Variants in ACBD3 observed in about 807,000 individuals in gnomAD.
ACBD3 encodes the protein acyl-CoA binding domain containing 3, also known as Golgi resident protein GCP60.
ACBD3 carries 30 observed loss-of-function variants against 66.9 expected under a neutral mutation model. That is an observed-to-expected ratio of 0.45 (90% CI 0.34 to 0.61). The LOEUF (loss-of-function observed/expected upper bound fraction) is 0.61, where lower values mean the gene tolerates loss of function less well. ACBD3 is among the 20% of genes least tolerant of loss of function. ACBD3 has a pLI of 0.02. For synonymous variants in ACBD3, 278 were observed against 259.8 expected, an observed-to-expected ratio of 1.07 and a Z score of -0.68; for missense variants, 544 against 664.5, an observed-to-expected ratio of 0.82 and a Z score of 1.99.
At chr1:226,150,640 G>A (rs903524895) in intron 7 of ACBD3, among the ~76,000 whole-genome samples, 3 of 152,200 alleles carry the variant, frequency 2.0e-5, no homozygotes, top group Non-Finnish European at 2.9e-5. Context: ...GCCTCCCAAA[G>A]TGTTGGGATT....
intron 7 of ACBD3, among the ~76,000 whole-genome samples, chr1:226,150,511 TG>T (rs1339143949): frequency 1.3e-5 from 2 of 152,190 alleles, no homozygotes; most frequent in Non-Finnish European, 2.9e-5. Context: ...CCCGAGTAGC[TG>T]GGATTACAGG....
Position 226,165,958 on chromosome 1 carries a change from A to G in ACBD3, c.329T>C (p.Leu110Ser), listed in dbSNP as rs1659869597. The G allele has an allele frequency of 6.2e-7, 1 of 1,611,072 alleles. No homozygotes were observed. Among genetic ancestry groups the G allele is most frequent in the African/African-American group, 1.3e-5 (1 of 74,808 alleles). Residue 110 changes from leucine to serine, a missense_variant, in exon 2 of 8, where the codon TTG (leucine) becomes TCG (serine). By Grantham distance (145) the Leu-to-Ser change is moderately radical (BLOSUM62 -2). This residue lies in a region of ACBD3 where 24 missense variants were observed against 56.2 expected (regional missense o/e 0.43). Transcript: ENST00000366812. ...KAFHPTYEEK[L>S]KLVALHKQVL... ...TTGCTTATGCAGTGCCACAAGCTTCAATTTTTCTTCATAAGTTGGATGAAA... is the reference window on the plus strand; with the variant it reads ...TTGCTTATGCAGTGCCACAAGCTTCGATTTTTCTTCATAAGTTGGATGAAA...
At position 226,145,204 on chromosome 1, in the gene ACBD3, T is replaced by C. The variant is rs1659424374; in HGVS notation, c.*1406A>G. 6.6e-6 allele frequency: 1 copy of C among 152,414 alleles called. No homozygotes were observed. Among genetic ancestry groups the C allele is most frequent in the African/African-American group, 2.4e-5 (1 of 41,380 alleles). 9.4% of individuals were successfully genotyped at this position (152,414 alleles called of 1,614,324 possible). ...ACAACCAAAAGAGAACAGAGTTAGA[T>C]ATGTACAAAACCAGGTATTAAAAAA... On this transcript the variant is annotated 3_prime_UTR_variant, in exon 8 of 8. Transcript: ENST00000366812.
chr1:226,149,411 G>A (rs1230160774), intron 7 of ACBD3, among the ~76,000 whole-genome samples: 7 of 150,740 alleles, frequency 4.6e-5, no homozygotes, highest in Admixed American at 3.3e-4. Context: ...ACTTTTAGTA[G>A]AGATGGGGTT....
chr1:226,173,757 CTTTTTTTTTTTT>C (rs145462202), intron 1 of ACBD3, among the ~76,000 whole-genome samples: 1 of 88,324 alleles, frequency 1.1e-5, no homozygotes, highest in Non-Finnish European at 2.1e-5. Flanking sequence ...TTTTTCTTTT[CTTTTTTTTTTTT>C]TTTTTTTTTG....
At position 226,161,589 on chromosome 1, in the gene ACBD3, G is replaced by T. The variant is rs750618003; in HGVS notation, c.670C>A (p.Arg224=). ...ATCCGTCTCCTTTCCTCTTCCTCCC[G>T]TCGAAGCCTTTCCTCTTCTTCTCTC... is the stretch of plus-strand genomic sequence containing the variant. ...RRREEEERLR[R]EEEERRRIEE... is the part of the protein sequence containing the mutation. Residue 224 remains arginine (R), a synonymous_variant, in exon 4 of 8, where the codon CGG becomes AGG. Coordinates refer to ENST00000366812, the MANE Select transcript of ACBD3 (RefSeq NM_022735.4). The T allele has an allele frequency of 1.2e-6, 2 of 1,613,530 alleles. No individual in the cohort carries two copies. Among genetic ancestry groups the T allele is most frequent in the Non-Finnish European group, 1.7e-6 (2 of 1,179,910 alleles).
chr1:226,156,680 T>C (rs1054319669), intron 5 of ACBD3, among the ~76,000 whole-genome samples: 1 of 152,212 alleles, frequency 6.6e-6, no homozygotes, highest in African/African-American at 2.4e-5. Flanking sequence ...TATAGGTTAA[T>C]AACACAATTA....
At chr1:226,161,965 A>T (rs1281925634) in intron 3 of ACBD3, among the ~76,000 whole-genome samples, 1 of 152,236 alleles carries the variant, frequency 6.6e-6, no homozygotes, top group Admixed American at 6.5e-5. Context: ...ACCCTGAAGG[A>T]TCCCCTCTAA....
chr1:226,178,201 C>G (rs1457423226), intron 1 of ACBD3, among the ~76,000 whole-genome samples: 1 of 152,190 alleles, frequency 6.6e-6, no homozygotes, highest in East Asian at 1.9e-4. Context: ...TCAAATAGGA[C>G]AGCATAATTT....
chr1:226,169,292 G>C (rs945530368), intron 1 of ACBD3, among the ~76,000 whole-genome samples: 1 of 151,748 alleles, frequency 6.6e-6, no homozygotes, highest in Non-Finnish European at 1.5e-5. Context: ...CTGTCACCCA[G>C]GCTGGAGTGC....
intron 7 of ACBD3, 80 bp downstream of exon 7, chr1:226,152,255 G>T (rs1269406652): frequency 6.5e-7 from 1 of 1,538,414 alleles, no homozygotes; most frequent in Admixed American, 1.8e-5. Flanking sequence ...GGAAGCATAA[G>T]GCTGGGTGAC....
chr1:226,165,111 T>C (rs58322813), intron 2 of ACBD3, among the ~76,000 whole-genome samples, 182 bp from the exon 3 acceptor site: 21,222 of 152,154 alleles, frequency 0.14, 1,655 homozygotes, highest in Middle Eastern at 0.22. Context: ...ATACGCCACA[T>C]ACAATCCAAA....
Position 226,151,866 on chromosome 1 carries a change from G to A in ACBD3, c.1375+469C>T, listed in dbSNP as rs965345492. Among the ~76,000 whole-genome samples, 8 of 152,152 alleles carry A rather than the reference G, an allele frequency of 5.3e-5. No homozygotes were observed. The South Asian group carries it at 1.7e-3, about 32-fold the overall frequency. ...ACTAAAAATACAAAAAATTAGCCGG[G>A]CACAGTGGTGCGTGCCTGTAATCCC... On this transcript the variant is annotated intron_variant, in intron 7 of 7. Coordinates refer to ENST00000366812, the MANE Select transcript of ACBD3 (RefSeq NM_022735.4).
chr1:226,180,450 A>G (rs1432666054), intron 1 of ACBD3, among the ~76,000 whole-genome samples: 1 of 152,170 alleles, frequency 6.6e-6, no homozygotes, highest in South Asian at 2.1e-4. Context: ...GAAAGCACAA[A>G]AAGTTAACAA....
intron 6 of ACBD3, among the ~76,000 whole-genome samples, chr1:226,154,401 T>TTA (rs140533924): frequency 6.8e-4 from 103 of 150,566 alleles, no homozygotes; most frequent in East Asian, 2.1e-3. Flanking sequence ...AATAGATAAT[T>TTA]TATATATATA....
chr1:226,167,545 G>A (rs1229000215), intron 1 of ACBD3, among the ~76,000 whole-genome samples: 1 of 152,180 alleles, frequency 6.6e-6, no homozygotes, highest in East Asian at 1.9e-4. Context: ...TTTAAAAGCC[G>A]TATGAAATTG....
rs1659599508 is a variant in ACBD3, at chr1:226,152,631, A to C, written c.1091-12T>G. 6.2e-7 allele frequency: 1 copy of C among 1,604,150 alleles called. No homozygotes were observed. Among genetic ancestry groups the C allele is most frequent in the South Asian group, 1.1e-5 (1 of 89,660 alleles). On this transcript the variant is annotated splice_polypyrimidine_tract_variant and intron_variant, in intron 6 of 7. Coordinates refer to ENST00000366812, the MANE Select transcript of ACBD3 (RefSeq NM_022735.4). ...TACTGGAAGAGATTCTAAAGGCAAT[A>C]GGTATTAAAAAGCTAAAGAAAAAGA... is the stretch of plus-strand genomic sequence containing the variant.
intron 4 of ACBD3, 37 bp downstream of exon 4, chr1:226,161,494 T>A (rs751865919): frequency 1.9e-6 from 3 of 1,604,266 alleles, no homozygotes; most frequent in African/African-American, 1.4e-5. Context: ...TTTTTTCCAT[T>A]TCTCATTTTA....
rs1453556145 is a variant in ACBD3 at position 226,146,774 on chromosome 1, A to G, written c.1423T>C (p.Leu475=). Residue 475 remains leucine, a synonymous_variant, in exon 8 of 8, where the codon TTG becomes CTG. Coordinates refer to ENST00000366812, the MANE Select transcript of ACBD3 (RefSeq NM_022735.4). ...TACACAGGCACAATCTCATCCAGCA[A>G]AGGCTTGTTGGCATTCTTTTTGGCT... ...EKAKKNANKP[L]LDEIVPVYRR... is the part of the protein sequence containing the mutation. 6.2e-7 allele frequency: 1 copy of G among 1,614,140 alleles called. No individual in the cohort carries two copies. The highest frequency in any genetic ancestry group is 1.7e-5 in the Admixed American group (1 of 60,002).
Sources: gnomAD v4.1 joint callset for allele counts (sites outside exome capture counted in the v4.1 genomes callset) on GRCh38, gnomAD v4.1.1 for gene constraint, gnomAD v4.1.1 regional missense constraint, MANE v1.5 for transcripts, NCBI Gene and HGNC (gene_info 2026-07-23, HGNC 2026-07-21) for gene names.